The following ABCA4 variants were observed in gnomAD, a reference collection of about 807,000 sequenced individuals.
ABCA4 encodes ATP binding cassette subfamily A member 4, also known as retinal-specific phospholipid-transporting ATPase ABCA4.
ABCA4 carries 196 observed loss-of-function variants against 263.7 expected under a neutral mutation model. The observed-to-expected ratio is 0.74, with a 90% CI of 0.66 to 0.84. ABCA4 has a LOEUF of 0.84. ABCA4 is among the 40% of genes least tolerant of loss of function. The probability of loss-of-function intolerance (pLI) is 0.00; values close to 1 mark genes in which losing one functional copy is unlikely to be tolerated. For synonymous variants in ABCA4, 1,133 were observed against 1,094.2 expected (o/e 1.04, Z -0.70); for missense variants, 2,792 against 2,855.1 (o/e 0.98, Z 0.50).
intron 36 of ABCA4, chr1:94,018,635 T>C: frequency 2.2e-6 from 1 of 454,234 alleles, no homozygotes; most frequent in South Asian, 1.6e-5. Context: ...AGTTGGTATA[T>C]CTTATCATCA....
Position 94,077,712 on chromosome 1 carries a change from C to A in ABCA4, c.1532G>T (p.Arg511Leu). 6.2e-7 allele frequency: 1 copy of A among 1,613,274 alleles called. No homozygotes were observed. Among genetic ancestry groups the A allele is most frequent in the South Asian group, 1.1e-5 (1 of 90,924 alleles). ...DIFNITDRTL[R>L]LVNQYLECLV... ...TACCTCCAGGTATTGATTGACCAGG[C>A]GGAGGGTGCGATCAGTGATGTTAAA... is the stretch of plus-strand genomic sequence containing the variant. Residue 511 changes from arginine to leucine, a missense_variant, in exon 11 of 50, where the codon CGC becomes CTC. Physicochemically the swap from Arg to Leu is moderately radical, Grantham distance 102 (BLOSUM62 -2). Transcript: ENST00000370225.
At position 94,041,354 on chromosome 1, in the gene ABCA4, A is replaced by G. The variant is rs1047376; in HGVS notation, c.3377T>C (p.Leu1126Pro). The stretch of plus-strand genomic sequence containing the variant: ...GGCAATGATGGCAATGCGGTCCCCA[A>G]GGAGGTCGGCCTCGTCCATGTGGTG... ...STHHMDEADLLGDRIAIIAQG... is the reference protein window; with the variant it reads ...STHHMDEADLPGDRIAIIAQG... Residue 1126 changes from leucine (L) to proline (P), a missense_variant, in exon 23 of 50, where the codon CTT (leucine) becomes CCT (proline). Transcript: ENST00000370225. 1 of 1,614,154 alleles carries G rather than the reference A, an allele frequency of 6.2e-7. No homozygotes were observed. Among genetic ancestry groups the G allele is most frequent in the Admixed American group, 1.7e-5 (1 of 60,034 alleles).
At chr1:94,021,043 T>C (rs139366759) in intron 35 of ABCA4, among the ~76,000 whole-genome samples, 197 bp downstream of exon 35, 119 of 152,324 alleles carry the variant, frequency 7.8e-4, no homozygotes, top group African/African-American at 2.7e-3. Flanking sequence ...CACATAAATG[T>C]TGGGGAGAAA....
intron 48 of ABCA4, among the ~76,000 whole-genome samples, chr1:93,997,354 C>T (rs1015429589): frequency 1.6e-4 from 25 of 151,988 alleles, no homozygotes; most frequent in African/African-American, 6.0e-4. Flanking sequence ...ACCTCCTGGG[C>T]TCCAGCAATC....
intron 44 of ABCA4, among the ~76,000 whole-genome samples, chr1:94,003,952 T>C (rs190621405): frequency 6.6e-6 from 1 of 152,112 alleles, no homozygotes. Flanking sequence ...ATTTTTTTTT[T>C]AAAAGCACTT....
At chr1:93,993,476 C>A (rs1344747141) in intron 49 of ABCA4, among the ~76,000 whole-genome samples, 1 of 151,978 alleles carries the variant, frequency 6.6e-6, no homozygotes, top group Non-Finnish European at 1.5e-5. Flanking sequence ...CAAAGACACA[C>A]ATACGAGATG....
chr1:94,021,490 A>G, intron 34 of ABCA4, 81 bp from the exon 35 acceptor site: 1 of 1,590,250 alleles, frequency 6.3e-7, no homozygotes, highest in Non-Finnish European at 8.6e-7. Flanking sequence ...GAAATTTGAG[A>G]AGCAGGAAGG....
Position 94,011,272 on chromosome 1 carries a change from A to T in ABCA4, c.5574T>A (p.Tyr1858Ter). 6.2e-7 allele frequency: 1 copy of T among 1,614,002 alleles called. No individual in the cohort carries two copies. The highest frequency in any genetic ancestry group is 8.5e-7 in the Non-Finnish European group (1 of 1,179,990). The change falls in exon 39 of 50, where the codon TAT becomes TAA. Residue 1858 changes from tyrosine (Y) to a stop codon, truncating the protein, a stop_gained. Coordinates refer to ENST00000370225, the MANE Select transcript of ABCA4 (RefSeq NM_000350.3). LOFTEE classifies it high-confidence loss of function. Reference protein sequence around the residue: ...LALSQAVTDVYARFGEEHSAN... With the variant: ...LALSQAVTDV Reference sequence around the variant, plus strand: ...TCGGCTACCACCCACCAAACCGGGCATAGACATCTGTCACAGCCTGGCTCA... The same window carrying T: ...TCGGCTACCACCCACCAAACCGGGCTTAGACATCTGTCACAGCCTGGCTCA...
chr1:94,062,822 G>T, intron 12 of ABCA4, 69 bp from the exon 13 acceptor site: 1 of 1,504,866 alleles, frequency 6.6e-7, no homozygotes, highest in Non-Finnish European at 9.1e-7. Context: ...CCCGACCACA[G>T]GGTGACTCGG....
In ABCA4 at chr1:93,992,946, AG is replaced by A. The variant is rs1341188184; in HGVS notation, c.*290del. 2.2e-5 allele frequency: 11 copies of A among 500,268 alleles called. No homozygotes were observed. Among genetic ancestry groups the A allele is most frequent in the South Asian group, 1.4e-4 (6 of 42,872 alleles). The allele number at this position is 500,268 out of a possible 1,614,324, so 31.0% of individuals were successfully genotyped here. ...TCTGCTTGAAATGAGAGCAATATGG[AG>A]GCCAAAGCTGCTAGTGGGATGGCCC... On this transcript the variant is annotated 3_prime_UTR_variant, in exon 50 of 50. Coordinates refer to ENST00000370225, the MANE Select transcript of ABCA4 (RefSeq NM_000350.3).
At chr1:94,036,681 G>A (rs1660345323) in intron 26 of ABCA4, 59 bp downstream of exon 26, 6 of 1,571,710 alleles carry the variant, frequency 3.8e-6, no homozygotes, top group East Asian at 4.5e-5. Context: ...TTAGACTTTC[G>A]AGATGGAACT....
At position 94,077,742 on chromosome 1, in the gene ABCA4, T is replaced by C. The variant is rs768480888; in HGVS notation, c.1502A>G (p.Asp501Gly). The C allele has an allele frequency of 1.9e-6, 3 of 1,614,152 alleles. No homozygotes were observed. Among genetic ancestry groups the C allele is most frequent in the Admixed American group, 3.3e-5 (2 of 60,016 alleles). ...ADDMANFDWRDIFNITDRTLR... is the reference protein window; with the variant it reads ...ADDMANFDWRGIFNITDRTLR... ...GGTGCGATCAGTGATGTTAAATATG[T>C]CCCTCCAGTCGAAGTTGGCCATGTC... The change falls in exon 11 of 50, where the codon GAC becomes GGC. Residue 501 changes from aspartate to glycine, a missense_variant. Coordinates refer to ENST00000370225, the MANE Select transcript of ABCA4 (RefSeq NM_000350.3).
At chr1:94,106,557 C>G (rs777809206) in intron 4 of ABCA4, among the ~76,000 whole-genome samples, 1 of 152,200 alleles carries the variant, frequency 6.6e-6, no homozygotes, top group Non-Finnish European at 1.5e-5. Context: ...GGTAATTGTA[C>G]TCATACCATA....
At position 94,079,408 on chromosome 1, in the gene ABCA4, T is replaced by C. The variant is rs753720666; in HGVS notation, c.1153A>G (p.Ile385Val). The C allele has an allele frequency of 9.9e-6, 16 of 1,614,188 alleles. No homozygotes were observed. In the Admixed American group the frequency reaches 2.5e-4, roughly 25 times the overall value. The part of the protein sequence containing the change: ...QSLESNPLTK[I>V]AWRAAKPLLM... Reference sequence around the variant, plus strand: ...AAAGGCTTTGCCGCCCTCCAAGCGATTTTGGTTAAAGGATTTGACTCCAGG... The same window carrying C: ...AAAGGCTTTGCCGCCCTCCAAGCGACTTTGGTTAAAGGATTTGACTCCAGG... The change falls in exon 9 of 50, where the codon ATC becomes GTC. Residue 385 changes from isoleucine to valine, a missense_variant. Transcript: ENST00000370225.
At chr1:94,048,544 C>T (rs1172871500) in intron 18 of ABCA4, among the ~76,000 whole-genome samples, 1 of 152,206 alleles carries the variant, frequency 6.6e-6, no homozygotes, top group African/African-American at 2.4e-5. Context: ...GTCCCAGTGA[C>T]CAAAGTTATT....
intron 22 of ABCA4, among the ~76,000 whole-genome samples, chr1:94,041,974 CTG>C (rs1438428783): frequency 6.6e-6 from 1 of 151,878 alleles, no homozygotes; most frequent in Non-Finnish European, 1.5e-5. Context: ...TGGCGGGCAC[CTG>C]TAGTCCCAGC....
chr1:94,076,022 A>T (rs1398581942), intron 11 of ABCA4, among the ~76,000 whole-genome samples: 1 of 152,210 alleles, frequency 6.6e-6, no homozygotes, highest in East Asian at 1.9e-4. Flanking sequence ...AGTCTCAAAG[A>T]ATGAATGAGT....
In ABCA4 at chr1:94,023,470, GTTAAC is replaced by G. The variant is rs1266440991; in HGVS notation, c.4635-57_4635-53del. 3 of 1,423,344 alleles carry G rather than the reference GTTAAC, an allele frequency of 2.1e-6. No individual in the cohort carries two copies. The African/African-American group carries it at 4.2e-5, about 20-fold the overall frequency. The allele number at this position is 1,423,344 out of a possible 1,614,324, so 88.2% of individuals were successfully genotyped here. On this transcript the variant is annotated intron_variant, in intron 31 of 49. Coordinates refer to ENST00000370225, the MANE Select transcript of ABCA4 (RefSeq NM_000350.3). ...TGAATACCACAAGTACAGCAGTGCC[GTTAAC>G]TTTCTTTCCCAAACATTCATTTTGA...
At chr1:94,091,831 G>GAT (rs1207385672) in intron 6 of ABCA4, among the ~76,000 whole-genome samples, 1 of 152,192 alleles carries the variant, frequency 6.6e-6, no homozygotes, top group Non-Finnish European at 1.5e-5. Context: ...TTAAGAAATT[G>GAT]ATATAAGGTC....
Sources: allele counts gnomAD v4.1 joint callset (sites outside exome capture counted in the v4.1 genomes callset), GRCh38; gene constraint gnomAD v4.1.1; transcripts MANE v1.5; gene names NCBI Gene and HGNC (gene_info 2026-07-23, HGNC 2026-07-21).